The following CADM1 variants were observed in gnomAD, a reference collection of about 807,000 sequenced individuals.
CADM1 encodes cell adhesion molecule 1.
CADM1 carries 15 observed loss-of-function variants against 53.1 expected under a neutral mutation model. The observed-to-expected ratio is 0.28, with a 90% confidence interval of 0.19 to 0.44. The LOEUF (loss-of-function observed/expected upper bound fraction) is 0.44. Among genes scored for constraint, CADM1 ranks in the 20% least tolerant of loss-of-function variants. CADM1 has a pLI of 1.00. For synonymous variants in CADM1, 281 were observed against 243.0 expected, an observed-to-expected ratio of 1.16 and a Z score of -1.45; for missense variants, 434 against 611.3, an observed-to-expected ratio of 0.71 and a Z score of 3.06.
chr11:115,375,714 C>A (rs567684989), intron 1 of CADM1, among the ~76,000 whole-genome samples: 1 of 152,170 alleles, frequency 6.6e-6, no homozygotes, highest in South Asian at 2.1e-4. Flanking sequence ...AGACCCATGA[C>A]AGAATCAAGA....
chr11:115,389,198 A>G (rs1946773178), intron 1 of CADM1, among the ~76,000 whole-genome samples: 1 of 152,164 alleles, frequency 6.6e-6, no homozygotes, highest in South Asian at 2.1e-4. Flanking sequence ...CAAAATGTCA[A>G]TAAGAGGCGA....
intron 8 of CADM1, among the ~76,000 whole-genome samples, chr11:115,204,616 T>C (rs540188271): frequency 7.2e-5 from 11 of 152,314 alleles, no homozygotes; most frequent in African/African-American, 2.6e-4. Flanking sequence ...AAGCTCTCTA[T>C]CATCATTTAG....
intron 1 of CADM1, among the ~76,000 whole-genome samples, chr11:115,305,070 A>G (rs1272790708): frequency 3.3e-5 from 5 of 152,032 alleles, no homozygotes; most frequent in Admixed American, 3.3e-4. Flanking sequence ...GAGACATAGA[A>G]GCTCACAGAT....
intron 7 of CADM1, among the ~76,000 whole-genome samples, chr11:115,210,492 T>C (rs970480698): frequency 1.3e-4 from 20 of 152,160 alleles, no homozygotes; most frequent in Non-Finnish European, 7.4e-5. Context: ...CAAAAATTAT[T>C]TGGAGACAAG....
At position 115,172,028 on chromosome 11, in the gene CADM1, G is replaced by C. The variant is rs1333983057; in HGVS notation, c.*4446C>G. 1 of 152,148 alleles carries C rather than the reference G, an allele frequency of 6.6e-6. No homozygotes were observed. 9.4% of individuals were successfully genotyped at this position (152,148 alleles called of 1,614,324 possible). ...GTAGTGTGTGTCTGGCACCTTTTTGGCTGAGCGCTGACTGCATATCTCACT... is the reference window on the plus strand; with the variant it reads ...GTAGTGTGTGTCTGGCACCTTTTTGCCTGAGCGCTGACTGCATATCTCACT... On this transcript the variant is annotated 3_prime_UTR_variant, in exon 12 of 12. Transcript: ENST00000331581.
chr11:115,238,077 G>A lies in CADM1; in HGVS notation c.424+423C>T, dbSNP rs148543043. Reference sequence around the variant, plus strand: ...AAAAGGAGATCAACAATATTAAAACGAGGATGTAACTCAGAAGGAAAAATC... The same window carrying A: ...AAAAGGAGATCAACAATATTAAAACAAGGATGTAACTCAGAAGGAAAAATC... On this transcript the variant is annotated intron_variant, in intron 3 of 11. Transcript: ENST00000331581. Among the ~76,000 whole-genome samples, 91 of 152,234 alleles carry A rather than the reference G, an allele frequency of 6.0e-4. 1 individual carries two copies. The highest frequency in any genetic ancestry group is 3.4e-3 in the Middle Eastern group (1 of 294).
intron 1 of CADM1, among the ~76,000 whole-genome samples, chr11:115,380,766 G>A (rs539834751): frequency 6.6e-6 from 1 of 152,184 alleles, no homozygotes; most frequent in Admixed American, 6.5e-5. Flanking sequence ...TGCTGAAAAT[G>A]GAACTCAGGC....
intron 1 of CADM1, among the ~76,000 whole-genome samples, chr11:115,306,658 G>T (rs1289454617): frequency 1.3e-5 from 2 of 151,926 alleles, no homozygotes; most frequent in Non-Finnish European, 2.9e-5. Flanking sequence ...GTAGGATTGT[G>T]TAGGACTACT....
At chr11:115,461,114 AACAC>A (rs149383269) in intron 1 of CADM1, among the ~76,000 whole-genome samples, 1 of 150,792 alleles carries the variant, frequency 6.6e-6, no homozygotes, top group Non-Finnish European at 1.5e-5. Context: ...TGGAAATGGA[AACAC>A]ACACACACAC....
intron 1 of CADM1, among the ~76,000 whole-genome samples, chr11:115,382,561 C>T (rs1324844748): frequency 6.6e-6 from 1 of 152,106 alleles, no homozygotes; most frequent in Non-Finnish European, 1.5e-5. Context: ...ATGAGTTTAA[C>T]AATTGTCATG....
At chr11:115,185,270 G>T (rs184337559) in intron 10 of CADM1, among the ~76,000 whole-genome samples, 3 of 152,200 alleles carry the variant, frequency 2.0e-5, no homozygotes, top group Non-Finnish European at 4.4e-5. Flanking sequence ...TTCGTTAGGG[G>T]TAAGCGTGGT....
At chr11:115,439,627 C>G (rs570559743) in intron 1 of CADM1, among the ~76,000 whole-genome samples, 1 of 152,166 alleles carries the variant, frequency 6.6e-6, no homozygotes, top group African/African-American at 2.4e-5. Context: ...ATATTGAAGG[C>G]ATAAATTATT....
intron 1 of CADM1, among the ~76,000 whole-genome samples, chr11:115,404,844 GAAAAAA>G (rs774430187): frequency 5.7e-5 from 3 of 52,384 alleles, no homozygotes; most frequent in African/African-American, 1.3e-4. Flanking sequence ...CCTGCCTCAG[GAAAAAA>G]AAAAAAAAAA....
intron 10 of CADM1, among the ~76,000 whole-genome samples, chr11:115,180,072 T>A (rs998583397): frequency 6.6e-6 from 1 of 152,146 alleles, no homozygotes; most frequent in Non-Finnish European, 1.5e-5. Flanking sequence ...AGTTTATCGA[T>A]CAAGTGTACA....
chr11:115,231,495 A>G lies in CADM1; in HGVS notation c.425-5T>C, dbSNP rs1239419272. 4 of 1,613,682 alleles carry G rather than the reference A, an allele frequency of 2.5e-6. No homozygotes were observed. In the African/African-American group the frequency reaches 5.3e-5, roughly 22 times the overall value. On this transcript the variant is annotated splice_region_variant and splice_polypyrimidine_tract_variant and intron_variant, in intron 3 of 11. Coordinates refer to ENST00000331581, the MANE Select transcript of CADM1 (RefSeq NM_001301043.2). ...TCATCAGATTACGTGGTGGGACTAC[A>G]AATTAAACATATGTGCTTTATAAAC...
At chr11:115,188,925 T>G (rs1939707860) in intron 10 of CADM1, among the ~76,000 whole-genome samples, 1 of 152,098 alleles carries the variant, frequency 6.6e-6, no homozygotes, top group Non-Finnish European at 1.5e-5. Context: ...TTCAGATGTC[T>G]CTTTGCTGCT....
chr11:115,351,008 T>A (rs141859043), intron 1 of CADM1, among the ~76,000 whole-genome samples: 1 of 151,920 alleles, frequency 6.6e-6, no homozygotes, highest in Non-Finnish European at 1.5e-5. Flanking sequence ...TATATTAACA[T>A]TCCTTTTGTT....
At position 115,394,139 on chromosome 11, in the gene CADM1, T is replaced by C. The variant is rs375755228; in HGVS notation, c.124+110132A>G. Among the ~76,000 whole-genome samples, 25 of 152,186 alleles carry C rather than the reference T, an allele frequency of 1.6e-4. 1 individual carries two copies. Among genetic ancestry groups the C allele is most frequent in the Non-Finnish European group, 3.1e-4 (21 of 68,010 alleles). ...CAGACTTAACATCTGCACATGCTCA[T>C]TGGAAATCTACAAGGCAGTGTCAAC... On this transcript the variant is annotated intron_variant, in intron 1 of 11. Transcript: ENST00000331581.
intron 10 of CADM1, among the ~76,000 whole-genome samples, chr11:115,188,089 C>T (rs957724093): frequency 6.6e-6 from 1 of 152,190 alleles, no homozygotes; most frequent in South Asian, 2.1e-4. Context: ...CCTCACTCCA[C>T]TAAACAGTTC....
Sources: gnomAD v4.1 joint callset for allele counts (sites outside exome capture counted in the v4.1 genomes callset) on GRCh38, gnomAD v4.1.1 for gene constraint, MANE v1.5 for transcripts, NCBI Gene and HGNC (gene_info 2026-07-23, HGNC 2026-07-21) for gene names.